The following DNAJC17 variants were observed in gnomAD, a reference collection of about 807,000 sequenced individuals.
DNAJC17 encodes the protein dnaJ homolog subfamily C member 17.
DNAJC17 carries 35 observed loss-of-function variants against 48.1 expected under a neutral mutation model. The ratio of observed to expected loss-of-function variants is 0.73; its 90% CI spans 0.56 to 0.96. The LOEUF is 0.96. DNAJC17 is among the 50% of genes least tolerant of loss of function. DNAJC17 has a pLI of 0.00. For synonymous variants in DNAJC17, 117 were observed against 142.7 expected, an observed-to-expected ratio of 0.82 and a Z score of 1.28; for missense variants, 355 against 377.1, an observed-to-expected ratio of 0.94 and a Z score of 0.48.
chr15:40,774,834 G>C, intron 8 of DNAJC17, 197 bp downstream of exon 8: 2 of 629,750 alleles, frequency 3.2e-6, no homozygotes, highest in Non-Finnish European at 5.5e-6. Context: ...GGGCTGGAAG[G>C]GGGCACATGG....
chr15:40,801,281 G>A (rs976328399), intron 1 of DNAJC17, among the ~76,000 whole-genome samples: 3 of 152,098 alleles, frequency 2.0e-5, no homozygotes, highest in African/African-American at 7.2e-5. Context: ...ATACATAATT[G>A]CAAACTGAAA....
In DNAJC17 at chr15:40,766,301, T is replaced by C. The variant is rs757252011; in HGVS notation, c.*1639A>G. 1 of 157,430 alleles carries C rather than the reference T, an allele frequency of 6.4e-6. No individual in the cohort carries two copies. The highest frequency in any genetic ancestry group is 1.4e-5 in the Non-Finnish European group (1 of 72,378). The allele number at this position is 157,430 out of a possible 1,614,324, so 9.8% of individuals were successfully genotyped here. On this transcript the variant is annotated 3_prime_UTR_variant, in exon 11 of 11. Coordinates refer to ENST00000220496, the MANE Select transcript of DNAJC17 (RefSeq NM_018163.3). ...CTGCATGAGTCGCAAAGCTAAGCCC[T>C]AGAAGCAGGGAGCAGGGAGCCTGCG... is the stretch of plus-strand genomic sequence containing the variant.
chr15:40,787,010 C>T (rs1291015115), intron 1 of DNAJC17, among the ~76,000 whole-genome samples: 1 of 152,118 alleles, frequency 6.6e-6, no homozygotes, highest in Non-Finnish European at 1.5e-5. Flanking sequence ...ATTTGCTTCC[C>T]TAGGTGGCGA....
intron 1 of DNAJC17, among the ~76,000 whole-genome samples, chr15:40,791,060 G>A (rs766941487): frequency 6.6e-6 from 1 of 152,028 alleles, no homozygotes; most frequent in Non-Finnish European, 1.5e-5. Flanking sequence ...AAAATAGGCC[G>A]GGTGCGGTGA....
intron 4 of DNAJC17, among the ~76,000 whole-genome samples, chr15:40,778,373 T>G (rs1445997049): frequency 6.6e-6 from 1 of 152,072 alleles, no homozygotes; most frequent in East Asian, 1.9e-4. Flanking sequence ...CTGCCTCAAC[T>G]TCTCGAGTAG....
chr15:40,767,365 T>G lies in DNAJC17; in HGVS notation c.*575A>C, dbSNP rs1486840148. 6.3e-7 allele frequency: 1 copy of G among 1,591,286 alleles called. No homozygotes were observed. The highest frequency in any genetic ancestry group is 1.8e-5 in the Admixed American group (1 of 56,090). ...CAAGGAGTGACCTTCTCATGCTGAT[T>G]TGCAGACGGGGCACCCCTGTGGAGG... On this transcript the variant is annotated 3_prime_UTR_variant, in exon 11 of 11. Coordinates refer to ENST00000220496, the MANE Select transcript of DNAJC17 (RefSeq NM_018163.3).
At chr15:40,773,169 AG>A (rs1167457105) in intron 10 of DNAJC17, among the ~76,000 whole-genome samples, 1 of 152,146 alleles carries the variant, frequency 6.6e-6, no homozygotes, top group Non-Finnish European at 1.5e-5. Context: ...TATGTTGGTC[AG>A]GCTAGTCTTC....
At chr15:40,805,490 T>C (rs1371824675) in intron 1 of DNAJC17, among the ~76,000 whole-genome samples, 1 of 151,718 alleles carries the variant, frequency 6.6e-6, no homozygotes. Flanking sequence ...GAAGTTGCAG[T>C]AAGCTGAGAT....
intron 1 of DNAJC17, among the ~76,000 whole-genome samples, chr15:40,800,688 T>TA (rs886592166): frequency 2.4e-3 from 340 of 141,090 alleles, no homozygotes; most frequent in African/African-American, 5.2e-3. Context: ...CATAAGCCAT[T>TA]AAAAAAAAAA....
chr15:40,796,049 C>G (rs1370882742), intron 1 of DNAJC17, among the ~76,000 whole-genome samples: 1 of 152,204 alleles, frequency 6.6e-6, no homozygotes, highest in Non-Finnish European at 1.5e-5. Flanking sequence ...TTCTGAAATG[C>G]AATTCTGCAT....
rs1449998950 is a variant in DNAJC17, at chr15:40,767,642, A to G, written c.*298T>C. On this transcript the variant is annotated 3_prime_UTR_variant, in exon 11 of 11. Coordinates refer to ENST00000220496, the MANE Select transcript of DNAJC17 (RefSeq NM_018163.3). ...CAGCTGCCCCGGGCCGGAGCTGGGCACTCCAGCGGCCCTGGCGCGTGGCTC... is the reference window on the plus strand; with the variant it reads ...CAGCTGCCCCGGGCCGGAGCTGGGCGCTCCAGCGGCCCTGGCGCGTGGCTC... 6.9e-6 allele frequency: 4 copies of G among 578,136 alleles called. No homozygotes were observed. Among genetic ancestry groups the G allele is most frequent in the East Asian group, 3.2e-5 (1 of 31,262 alleles). 35.8% of individuals were successfully genotyped at this position (578,136 alleles called of 1,614,324 possible).
intron 1 of DNAJC17, among the ~76,000 whole-genome samples, chr15:40,804,168 C>A (rs1785565560): frequency 6.6e-6 from 1 of 151,904 alleles, no homozygotes; most frequent in African/African-American, 2.4e-5. Context: ...CAGGCTCTCA[C>A]TACGTTTCCC....
intron 4 of DNAJC17, among the ~76,000 whole-genome samples, chr15:40,777,368 A>C (rs573354990): frequency 6.7e-6 from 1 of 149,070 alleles, no homozygotes; most frequent in South Asian, 2.1e-4. Flanking sequence ...CTATATGCAC[A>C]TATTAAAATA....
Position 40,779,248 on chromosome 15 carries a change from A to T in DNAJC17, c.270T>A (p.Asp90Glu). Residue 90 changes from aspartate (D) to glutamate (E), a missense_variant, in exon 4 of 11, where the codon GAT becomes GAA. Physicochemically the swap from Asp to Glu is conservative, Grantham distance 45. Coordinates refer to ENST00000220496, the MANE Select transcript of DNAJC17 (RefSeq NM_018163.3). The part of the protein sequence containing the change: ...KQAAERTQKL[D>E]EKRKKVKLDL... Reference sequence around the variant, plus strand: ...CAAGCTTCACTTTCTTCCTTTTCTCATCAAGTTTCTGGGTCCTCTCTGCTG... The same window carrying T: ...CAAGCTTCACTTTCTTCCTTTTCTCTTCAAGTTTCTGGGTCCTCTCTGCTG... 2 of 1,614,008 alleles carry T rather than the reference A, an allele frequency of 1.2e-6. No individual in the cohort carries two copies. Among genetic ancestry groups the T allele is most frequent in the Non-Finnish European group, 1.7e-6 (2 of 1,179,996 alleles).
intron 8 of DNAJC17, 197 bp downstream of exon 8, chr15:40,774,834 G>A: frequency 1.6e-6 from 1 of 629,750 alleles, no homozygotes; most frequent in Non-Finnish European, 2.8e-6. Context: ...GGGCTGGAAG[G>A]GGGCACATGG....
chr15:40,786,136 C>T (rs544712849), intron 1 of DNAJC17, among the ~76,000 whole-genome samples: 2 of 152,202 alleles, frequency 1.3e-5, no homozygotes, highest in South Asian at 2.1e-4. Context: ...AAAAACCTTC[C>T]GGTCTCAATA....
chr15:40,782,004 G>A (rs1053714669), intron 1 of DNAJC17, among the ~76,000 whole-genome samples: 2 of 151,962 alleles, frequency 1.3e-5, no homozygotes, highest in East Asian at 1.9e-4. Context: ...CGAGAGGATC[G>A]CTTGAGCCCA....
At position 40,770,361 on chromosome 15, in the gene DNAJC17, G is replaced by A. The variant is rs181909371; in HGVS notation, c.793-2299C>T. ...CTCACCATCCAAGATGTGGTCAAAG[G>A]TCTGTGCTGAGTGGAAACCCTGAGG... On this transcript the variant is annotated intron_variant, in intron 10 of 10. Coordinates refer to ENST00000220496, the MANE Select transcript of DNAJC17 (RefSeq NM_018163.3). This position sits in a 1 kb window ranked among gnomAD's most constrained non-coding sequence, Gnocchi z 5.0. 2.8e-5 allele frequency: 23 copies of A among 836,284 alleles called. No homozygotes were observed. In the African/African-American group the frequency reaches 3.3e-4, roughly 12 times the overall value. 51.8% of individuals were successfully genotyped at this position (836,284 alleles called of 1,614,324 possible).
intron 1 of DNAJC17, among the ~76,000 whole-genome samples, chr15:40,799,505 G>A (rs551407487): frequency 6.4e-4 from 98 of 152,306 alleles, no homozygotes; most frequent in African/African-American, 2.3e-3. Context: ...AGAAAGGCTA[G>A]TTCTGTGTAC....
Sources: allele counts gnomAD v4.1 joint callset (sites outside exome capture counted in the v4.1 genomes callset), GRCh38; gene constraint gnomAD v4.1.1; non-coding constraint Gnocchi (gnomAD v3.1); transcripts MANE v1.5; gene names NCBI Gene and HGNC (gene_info 2026-07-23, HGNC 2026-07-21).